The following SEC14L4 variants were observed in gnomAD, a reference collection of about 807,000 sequenced individuals.
The protein encoded by SEC14L4 is SEC14 like lipid binding 4, also known as SEC14-like protein 4.
In SEC14L4, 42 loss-of-function variants were observed where a neutral mutation model predicts 55.1. That is an observed-to-expected ratio of 0.76 (90% CI 0.60 to 0.99). The LOEUF is 0.99. SEC14L4 is among the 50% of genes least tolerant of loss of function. SEC14L4 has a pLI of 0.00. For missense variants in SEC14L4, 445 were observed against 512.1 expected (o/e 0.87, Z 1.27); for synonymous variants, 206 against 206.8 (o/e 1.00, Z 0.03).
Position 30,498,124 on chromosome 22 carries a change from CTTT to C in SEC14L4, c.131-2156_131-2154del, listed in dbSNP as rs869157636. ...TGAATGGTATCTGACTTTTCATTAT[CTTT>C]TTTTTTTTTTTTTTTTTTTTGAGAC... On this transcript the variant is annotated intron_variant, in intron 2 of 11. Coordinates refer to ENST00000255858, the MANE Select transcript of SEC14L4 (RefSeq NM_174977.4). Among the ~76,000 whole-genome samples the C allele has an allele frequency of 3.8e-3, 371 of 98,314 alleles. 3 individuals are homozygous for C. The highest frequency in any genetic ancestry group is 0.015 in the African/African-American group (353 of 23,822). 64.5% of individuals were successfully genotyped at this position (98,314 alleles called of 152,430 possible). A position where few individuals can be genotyped will look rare whatever the true frequency, so the allele number is the denominator to read the frequency against.
intron 2 of SEC14L4, among the ~76,000 whole-genome samples, chr22:30,498,486 G>T (rs1403966487): frequency 6.6e-6 from 1 of 152,122 alleles, no homozygotes; most frequent in South Asian, 2.1e-4. Context: ...GTTTTCAAGG[G>T]AGACAAGCAA....
Position 30,493,567 on chromosome 22 carries a change from T to C in SEC14L4, c.580+583A>G, listed in dbSNP as rs1569242005. Among the ~76,000 whole-genome samples the C allele has an allele frequency of 5.3e-5, 8 of 152,290 alleles. No individual in the cohort carries two copies. In the South Asian group the frequency reaches 1.5e-3, roughly 28 times the overall value. On this transcript the variant is annotated intron_variant, in intron 7 of 11. Transcript: ENST00000255858. The stretch of plus-strand genomic sequence containing the variant: ...TGTGTCCATCCACTAGTGTGGTCCA[T>C]GGACTATCTGTTCCCAGCCCACACT...
chr22:30,505,210 T>C (rs1239005819), intron 1 of SEC14L4, among the ~76,000 whole-genome samples: 2 of 151,538 alleles, frequency 1.3e-5, no homozygotes, highest in East Asian at 3.9e-4. Context: ...CAAACAAATG[T>C]TGCAACCTGG....
At position 30,505,539 on chromosome 22, in the gene SEC14L4, A is replaced by G. The variant is rs1329504711; in HGVS notation, c.54+19T>C. On this transcript the variant is annotated intron_variant, in intron 1 of 11. Coordinates refer to ENST00000255858, the MANE Select transcript of SEC14L4 (RefSeq NM_174977.4). ...CTCAGGGCCCCTCCTCAAGCCTCCCAGCCCGCGATGCTCCTCACCCTGGCC... is the reference window on the plus strand; with the variant it reads ...CTCAGGGCCCCTCCTCAAGCCTCCCGGCCCGCGATGCTCCTCACCCTGGCC... The G allele has an allele frequency of 6.4e-7, 1 of 1,558,206 alleles. No homozygotes were observed. Among genetic ancestry groups the G allele is most frequent in the Non-Finnish European group, 8.7e-7 (1 of 1,152,872 alleles).
At position 30,499,613 on chromosome 22, in the gene SEC14L4, C is replaced by G. The variant is rs372002061; in HGVS notation, c.131-3642G>C. 9.9e-5 allele frequency among the ~76,000 whole-genome samples: 15 copies of G among 151,422 alleles called. No individual in the cohort carries two copies. In the East Asian group the frequency reaches 2.6e-3, roughly 27 times the overall value. The stretch of plus-strand genomic sequence containing the variant: ...AATTAGCTGAGTGTGGTGGCTCATG[C>G]CTGTAATCCCAGCTAGTCAGGAGGC... On this transcript the variant is annotated intron_variant, in intron 2 of 11. Transcript: ENST00000255858.
chr22:30,491,254 C>T (rs1447432832), intron 11 of SEC14L4, among the ~76,000 whole-genome samples: 1 of 152,164 alleles, frequency 6.6e-6, no homozygotes, highest in Admixed American at 6.5e-5. Flanking sequence ...GTTCATGCAA[C>T]TGGGTGGTCC....
intron 11 of SEC14L4, among the ~76,000 whole-genome samples, chr22:30,490,518 G>C (rs2038458967): frequency 6.6e-6 from 1 of 152,184 alleles, no homozygotes; most frequent in Non-Finnish European, 1.5e-5. Context: ...ATATAGAACA[G>C]CACACAGCCA....
chr22:30,501,595 T>C (rs934339366), intron 2 of SEC14L4, among the ~76,000 whole-genome samples: 4 of 152,106 alleles, frequency 2.6e-5, no homozygotes, highest in Non-Finnish European at 5.9e-5. Context: ...TGTGGGATCC[T>C]GGATGGGATC....
At chr22:30,496,324 A>G (rs995640437) in intron 2 of SEC14L4, among the ~76,000 whole-genome samples, 13 of 151,280 alleles carry the variant, frequency 8.6e-5, no homozygotes, top group Admixed American at 7.2e-4. Flanking sequence ...GGATCTTGCT[A>G]TGTTGCCCAG....
Position 30,489,562 on chromosome 22 carries a change from G to A in SEC14L4, c.*545C>T, listed in dbSNP as rs867604002. The A allele has an allele frequency of 3.9e-6, 2 of 518,962 alleles. No homozygotes were observed. The highest frequency in any genetic ancestry group is 3.4e-6 in the Non-Finnish European group (1 of 291,186). The allele number at this position is 518,962 out of a possible 1,614,324, so 32.1% of individuals were successfully genotyped here. On this transcript the variant is annotated 3_prime_UTR_variant, in exon 12 of 12. Transcript: ENST00000255858. ...GTCCATTTCCAATTTTCCATCCAGT[G>A]GTGGCAGAACAAACTTGGATGGGCC...
At position 30,505,579 on chromosome 22, in the gene SEC14L4, C is replaced by CT. The variant is rs777651417; in HGVS notation, c.32dup (p.Gln12AlafsTer23). On this transcript the variant is annotated frameshift_variant, in exon 1 of 12. Transcript: ENST00000255858. LOFTEE classifies it high-confidence loss of function. ...TCACCCTGGCCAGCGCTTCCTGCTG[C>CT]TGGGGGCTCAGGTCCCCGACTCGGC... 5 of 1,570,726 alleles carry CT rather than the reference C, an allele frequency of 3.2e-6. No individual in the cohort carries two copies. The highest frequency in any genetic ancestry group is 4.3e-6 in the Non-Finnish European group (5 of 1,161,104).
chr22:30,496,061 C>G, intron 2 of SEC14L4, 90 bp from the exon 3 acceptor site: 2 of 958,378 alleles, frequency 2.1e-6, no homozygotes, highest in Non-Finnish European at 3.2e-6. Context: ...TAAGGTGTCC[C>G]CAGCCTTTTC....
At chr22:30,501,663 G>A (rs1601856533) in intron 2 of SEC14L4, among the ~76,000 whole-genome samples, 1 of 151,880 alleles carries the variant, frequency 6.6e-6, no homozygotes, top group Non-Finnish European at 1.5e-5. Context: ...TAATAATAAT[G>A]TATCCATATT....
At chr22:30,491,801 T>C (rs985310773) in intron 10 of SEC14L4, 33 bp downstream of exon 10, 15 of 1,611,742 alleles carry the variant, frequency 9.3e-6, no homozygotes, top group Non-Finnish European at 1.3e-5. Flanking sequence ...CCCTCCCAGA[T>C]GTGCCCAGGT....
chr22:30,501,170 C>T (rs1320431664), intron 2 of SEC14L4, among the ~76,000 whole-genome samples: 1 of 152,200 alleles, frequency 6.6e-6, no homozygotes, highest in Non-Finnish European at 1.5e-5. Context: ...TAGCCCTCCC[C>T]TTTGCCTGGG....
chr22:30,492,109 C>T lies in SEC14L4; in HGVS notation c.711G>A (p.Leu237=). Residue 237 remains leucine, a synonymous_variant, in exon 9 of 12, where the codon CTG becomes CTA. Transcript: ENST00000255858. ...ELTKFISPDQ[L]PVEFGGTMTD... The stretch of plus-strand genomic sequence containing the variant: ...TCATGGTCCCCCCAAACTCCACAGG[C>T]AGCTGGTCGGGGCTGATGAATTTTG... 1 of 1,613,912 alleles carries T rather than the reference C, an allele frequency of 6.2e-7. No homozygotes were observed. The highest frequency in any genetic ancestry group is 8.5e-7 in the Non-Finnish European group (1 of 1,179,860).
rs918025921 is a variant in SEC14L4 at position 30,492,700 on chromosome 22, C to T, written c.581-143G>A. The stretch of plus-strand genomic sequence containing the variant: ...GCTGTGTGACCTTCAGCAAGTTACC[C>T]ACCCTCTCCAAGTCTTAGTGCAGTT... On this transcript the variant is annotated intron_variant, in intron 7 of 11. Transcript: ENST00000255858. The T allele has an allele frequency of 1.2e-5, 8 of 663,908 alleles. No homozygotes were observed. In the African/African-American group the frequency reaches 1.4e-4, roughly 12 times the overall value. The allele number at this position is 663,908 out of a possible 1,614,324, so 41.1% of individuals were successfully genotyped here.
chr22:30,496,008 G>A, intron 2 of SEC14L4, 37 bp from the exon 3 acceptor site: 2 of 1,596,180 alleles, frequency 1.3e-6, no homozygotes, highest in Non-Finnish European at 1.7e-6. Flanking sequence ...CTCAAGGCTA[G>A]ATCCAGAAAG....
At chr22:30,498,017 A>C (rs116749004) in intron 2 of SEC14L4, among the ~76,000 whole-genome samples, 1,733 of 152,106 alleles carry the variant, frequency 0.011, 27 homozygotes, top group African/African-American at 0.039. Flanking sequence ...TATATACTTC[A>C]GAGATTTTAA....
Sources: allele counts gnomAD v4.1 joint callset (sites outside exome capture counted in the v4.1 genomes callset), GRCh38; gene constraint gnomAD v4.1.1; transcripts MANE v1.5; gene names NCBI Gene and HGNC (gene_info 2026-07-23, HGNC 2026-07-21).